The following PXDC1 variants were observed in gnomAD, a reference collection of about 807,000 sequenced individuals.
PXDC1 encodes the protein PX domain-containing protein 1.
In PXDC1, 13 loss-of-function variants were observed where a neutral mutation model predicts 24.4. The ratio of observed to expected loss-of-function variants is 0.53; its 90% CI spans 0.35 to 0.85. PXDC1 has a LOEUF of 0.85. Ranked by LOEUF, PXDC1 falls within the 40% of genes least tolerant of loss-of-function variation. The pLI is 0.01. For missense variants in PXDC1, 344 were observed against 309.3 expected (o/e 1.11, Z -0.84); for synonymous variants, 162 against 124.9 (o/e 1.30, Z -1.98).
At chr6:3,734,621 G>A (rs1265320634) in intron 3 of PXDC1, among the ~76,000 whole-genome samples, 1 of 152,168 alleles carries the variant, frequency 6.6e-6, no homozygotes, top group African/African-American at 2.4e-5. Context: ...AGGTTCTGGA[G>A]ACCCAGTGCC....
Position 3,723,550 on chromosome 6 carries a change from G to T in PXDC1, c.*69C>A. ...CTGGGGCAGCAGCTGTGACCATGGG[G>T]GCCAGCACAGTGGACAGCATCAGAG... On this transcript the variant is annotated 3_prime_UTR_variant, in exon 5 of 5. Transcript: ENST00000380283. The T allele has an allele frequency of 2.5e-6, 3 of 1,212,012 alleles. No individual in the cohort carries two copies. The highest frequency in any genetic ancestry group is 1.2e-5 in the South Asian group (1 of 81,260). The allele number at this position is 1,212,012 out of a possible 1,614,324, so 75.1% of individuals were successfully genotyped here.
At position 3,727,548 on chromosome 6, in the gene PXDC1, T is replaced by A. The variant is rs1339756610; in HGVS notation, c.578+3A>T. 1 of 1,580,772 alleles carries A rather than the reference T, an allele frequency of 6.3e-7. No homozygotes were observed. The highest frequency in any genetic ancestry group is 1.7e-5 in the Admixed American group (1 of 59,950). On this transcript the variant is annotated splice_donor_region_variant and intron_variant, in intron 4 of 4. Coordinates refer to ENST00000380283, the MANE Select transcript of PXDC1 (RefSeq NM_183373.4). ...GAAACGATATTCAAATCAGCATACT[T>A]ACAAATGCTCTGTTGGGTCCACGCC... is the stretch of plus-strand genomic sequence containing the variant.
intron 3 of PXDC1, among the ~76,000 whole-genome samples, chr6:3,730,556 C>G (rs1350816438): frequency 1.3e-5 from 2 of 152,236 alleles, no homozygotes; most frequent in South Asian, 4.2e-4. Flanking sequence ...CTGTAGCAAG[C>G]CTCTAATTGT....
Position 3,739,152 on chromosome 6 carries a change from T to C in PXDC1, c.257-1004A>G, listed in dbSNP as rs116306649. 1,124 of 1,166,798 alleles carry C rather than the reference T, an allele frequency of 9.6e-4. 6 individuals carry two copies. The African/African-American group carries it at 0.017, about 17-fold the overall frequency. 72.3% of individuals were successfully genotyped at this position (1,166,798 alleles called of 1,614,324 possible). On this transcript the variant is annotated intron_variant, in intron 1 of 4. Transcript: ENST00000380283. ...GCCTGTTCAGTTTTCAAGCAATTCG[T>C]TGAATAGGTCTATAAGAGAGATAAA...
At chr6:3,734,853 G>A (rs973546208) in intron 3 of PXDC1, among the ~76,000 whole-genome samples, 1 of 152,184 alleles carries the variant, frequency 6.6e-6, no homozygotes, top group Non-Finnish European at 1.5e-5. Flanking sequence ...GGGAGGCTAA[G>A]GCAGATGGAT....
Position 3,737,090 on chromosome 6 carries a change from A to C in PXDC1, c.455T>G (p.Val152Gly), listed in dbSNP as rs1156834625. Reference sequence around the variant, plus strand: ...TTTGTGGCTCTTACCTGATATTTTGACTGGACTTTGAAAGCTGGGTTGAAT... The same window carrying C: ...TTTGTGGCTCTTACCTGATATTTTGCCTGGACTTTGAAAGCTGGGTTGAAT... Reference protein sequence around the residue: ...HKIQPSFQSPVKISEIMRSNG... With the variant: ...HKIQPSFQSPGKISEIMRSNG... Residue 152 changes from valine to glycine, a missense_variant, in exon 3 of 5, where the codon GTC becomes GGC. Coordinates refer to ENST00000380283, the MANE Select transcript of PXDC1 (RefSeq NM_183373.4). This position sits in a 1 kb window ranked among gnomAD's most constrained non-coding sequence, Gnocchi z 5.5. 6.2e-7 allele frequency: 1 copy of C among 1,603,356 alleles called. No homozygotes were observed. The highest frequency in any genetic ancestry group is 8.5e-7 in the Non-Finnish European group (1 of 1,170,252).
At chr6:3,742,013 G>C (rs769766372) in intron 1 of PXDC1, among the ~76,000 whole-genome samples, 1 of 152,184 alleles carries the variant, frequency 6.6e-6, no homozygotes, top group African/African-American at 2.4e-5. Flanking sequence ...ATTCACTAAG[G>C]TTTCTCAGTT....
Position 3,723,763 on chromosome 6 carries a change from G to A in PXDC1, c.579-27C>T, listed in dbSNP as rs188155048. The A allele has an allele frequency of 8.2e-6, 13 of 1,584,696 alleles. No homozygotes were observed. The East Asian group carries it at 2.5e-4, about 30-fold the overall frequency. ...TGAAATTAGAGAAACCAGAGGTGAG[G>A]GGTGGCTCATTGTTGGGATCAACAC... On this transcript the variant is annotated intron_variant, in intron 4 of 4. Transcript: ENST00000380283.
chr6:3,726,494 A>G (rs559571088), intron 4 of PXDC1, among the ~76,000 whole-genome samples: 12 of 152,276 alleles, frequency 7.9e-5, no homozygotes, highest in East Asian at 3.9e-4. Flanking sequence ...CGGGAGACAC[A>G]CTGGTAAAGA....
intron 1 of PXDC1, among the ~76,000 whole-genome samples, chr6:3,750,522 C>G (rs1014334994): frequency 6.6e-6 from 1 of 152,170 alleles, no homozygotes; most frequent in African/African-American, 2.4e-5. Flanking sequence ...CTCCCGGCTT[C>G]CACCCCCTCA....
In PXDC1 at chr6:3,737,227, G is replaced by GA; in HGVS notation, c.349-32dup. ...GAGAAATGCAGGGATTACTAAAAAC[G>GA]ATCAGCCTCTACACGTTGGCCCTGT... On this transcript the variant is annotated intron_variant, in intron 2 of 4. Coordinates refer to ENST00000380283, the MANE Select transcript of PXDC1 (RefSeq NM_183373.4). This position sits in a 1 kb window ranked among gnomAD's most constrained non-coding sequence, Gnocchi z 5.5. The GA allele has an allele frequency of 6.8e-7, 1 of 1,477,370 alleles. No homozygotes were observed. The highest frequency in any genetic ancestry group is 9.5e-7 in the Non-Finnish European group (1 of 1,055,510). 91.5% of individuals were successfully genotyped at this position (1,477,370 alleles called of 1,614,324 possible).
intron 1 of PXDC1, among the ~76,000 whole-genome samples, chr6:3,745,973 C>T (rs959254799): frequency 6.6e-6 from 1 of 152,200 alleles, no homozygotes; most frequent in Non-Finnish European, 1.5e-5. Flanking sequence ...CAAGAGGGGG[C>T]ACAGCTAGAG....
At chr6:3,751,213 C>G in intron 1 of PXDC1, 63 bp downstream of exon 1, 1 of 1,244,806 alleles carries the variant, frequency 8.0e-7, no homozygotes, top group Non-Finnish European at 1.1e-6. Context: ...CTCTTCCCCG[C>G]CTCCTTCGTG....
intron 3 of PXDC1, among the ~76,000 whole-genome samples, chr6:3,736,128 C>A (rs1760309414): frequency 6.6e-6 from 1 of 152,196 alleles, no homozygotes; most frequent in Admixed American, 6.5e-5. Flanking sequence ...GCATCAGTCA[C>A]CCATCCCCAC....
In PXDC1 at chr6:3,723,674, A is replaced by T; in HGVS notation, c.641T>A (p.Val214Asp). ...CAGGTGGTAATATGACAGGTTGGTG[A>T]CGTAGGCTGCTGGGTCGTCCCCGTC... ...LEDGDDPAAY[V>D]TNLSYYHLVP... The change falls in exon 5 of 5, where the codon GTC (valine) becomes GAC (aspartate). Residue 214 changes from valine (V) to aspartate (D), a missense_variant. By Grantham distance (152) the Val-to-Asp change is radical. Transcript: ENST00000380283. 6.2e-7 allele frequency: 1 copy of T among 1,614,176 alleles called. No individual in the cohort carries two copies. The highest frequency in any genetic ancestry group is 8.5e-7 in the Non-Finnish European group (1 of 1,180,022).
chr6:3,730,140 G>A (rs1018320229), intron 3 of PXDC1, among the ~76,000 whole-genome samples: 3 of 152,070 alleles, frequency 2.0e-5, no homozygotes, highest in Non-Finnish European at 2.9e-5. Context: ...TCTCAGGCCC[G>A]GCCCAGAGAG....
intron 1 of PXDC1, 49 bp downstream of exon 1, chr6:3,751,227 T>C (rs1428451042): frequency 7.3e-7 from 1 of 1,374,186 alleles, no homozygotes. Context: ...CTTCGTGCAC[T>C]TCAAGGCTGC....
In PXDC1 at chr6:3,736,737, G is replaced by A. The variant is rs7762522; in HGVS notation, c.466+342C>T. ...AAGCAAGAACCAAATTCAATGCCAC[G>A]TGACATGGGCTGTCTCACTTCAGCA... On this transcript the variant is annotated intron_variant, in intron 3 of 4. Transcript: ENST00000380283. Among the ~76,000 whole-genome samples, 1,422 of 152,336 alleles carry A rather than the reference G, an allele frequency of 9.3e-3. 27 individuals carry two copies. Among genetic ancestry groups the A allele is most frequent in the African/African-American group, 0.033 (1,356 of 41,570 alleles).
chr6:3,744,450 T>TCC (rs113901915), intron 1 of PXDC1, among the ~76,000 whole-genome samples: 8 of 149,736 alleles, frequency 5.3e-5, no homozygotes, highest in African/African-American at 2.0e-4. Context: ...CAGCAGGGGA[T>TCC]CCCCCCCACA....
Sources: gnomAD v4.1 joint callset for allele counts (sites outside exome capture counted in the v4.1 genomes callset) on GRCh38, gnomAD v4.1.1 for gene constraint, Gnocchi (gnomAD v3.1) non-coding constraint, MANE v1.5 for transcripts, NCBI Gene and HGNC (gene_info 2026-07-23, HGNC 2026-07-21) for gene names.